VWA8: variants seen among roughly 807,000 people sequenced by gnomAD.
The protein encoded by VWA8 is von Willebrand factor A domain-containing protein 8.
VWA8 carries 221 observed loss-of-function variants against 241.5 expected under a neutral mutation model. The observed-to-expected ratio is 0.91, with a 90% CI of 0.82 to 1.02. The LOEUF (loss-of-function observed/expected upper bound fraction) is 1.02. Ranked by LOEUF, VWA8 falls within the 50% of genes least tolerant of loss-of-function variation. The probability of loss-of-function intolerance (pLI) is 0.00; values close to 1 mark genes in which losing one functional copy is unlikely to be tolerated. For synonymous variants in VWA8, 852 were observed against 827.1 expected, an observed-to-expected ratio of 1.03 and a Z score of -0.52; for missense variants, 2,322 against 2,328.7, an observed-to-expected ratio of 1.00 and a Z score of 0.06.
chr13:41,725,165 A>G (rs2045422665), intron 24 of VWA8, among the ~76,000 whole-genome samples: 1 of 151,888 alleles, frequency 6.6e-6, no homozygotes, highest in Non-Finnish European at 1.5e-5. Flanking sequence ...GGGAGTCATA[A>G]ATGTGAAAGA....
chr13:41,753,400 G>A (rs1294465047), intron 21 of VWA8, among the ~76,000 whole-genome samples: 1 of 151,990 alleles, frequency 6.6e-6, no homozygotes, highest in Non-Finnish European at 1.5e-5. Flanking sequence ...AACCAAGGAG[G>A]AAATACAGCT....
chr13:41,817,697 T>C (rs749696887), intron 15 of VWA8, among the ~76,000 whole-genome samples: 7 of 152,198 alleles, frequency 4.6e-5, no homozygotes, highest in Non-Finnish European at 8.8e-5. Context: ...TAATAAGTAG[T>C]GGATTTCACA....
At chr13:41,864,491 T>C (rs1873195584) in intron 12 of VWA8, 1 of 367,326 alleles carries the variant, frequency 2.7e-6, no homozygotes, top group Non-Finnish European at 5.3e-6. Flanking sequence ...AGAATATGAC[T>C]TTGCCCTAAA....
intron 2 of VWA8, among the ~76,000 whole-genome samples, chr13:41,922,730 A>G (rs1171096961): frequency 2.6e-5 from 4 of 152,340 alleles, no homozygotes; most frequent in Admixed American, 6.5e-5. Flanking sequence ...CAAAACCACA[A>G]TGAGATACCA....
chr13:41,580,361 A>G (rs2044374867), intron 42 of VWA8, among the ~76,000 whole-genome samples: 1 of 152,212 alleles, frequency 6.6e-6, no homozygotes, highest in Non-Finnish European at 1.5e-5. Flanking sequence ...CACAGCCTAA[A>G]CTGATAGGAT....
chr13:41,855,984 A>T (rs1179029318), intron 12 of VWA8, among the ~76,000 whole-genome samples: 3 of 152,188 alleles, frequency 2.0e-5, no homozygotes, highest in Non-Finnish European at 4.4e-5. Flanking sequence ...TTTACAGAAA[A>T]GGTTTGTCAA....
At chr13:41,960,760 C>T in intron 1 of VWA8, 93 bp downstream of exon 1, 1 of 1,411,052 alleles carries the variant, frequency 7.1e-7, no homozygotes, top group East Asian at 3.0e-5. Flanking sequence ...CTTCCAAGCG[C>T]AGCGAAGCAA....
At chr13:41,614,710 T>C (rs2044610073) in intron 38 of VWA8, among the ~76,000 whole-genome samples, 1 of 152,156 alleles carries the variant, frequency 6.6e-6, no homozygotes, top group African/African-American at 2.4e-5. Context: ...GTTCACACTA[T>C]CCCCCTTTGA....
At chr13:41,934,888 G>A (rs747582605) in intron 2 of VWA8, among the ~76,000 whole-genome samples, 1 of 151,978 alleles carries the variant, frequency 6.6e-6, no homozygotes, top group Non-Finnish European at 1.5e-5. Flanking sequence ...AATATGTGCA[G>A]TGTATTGCAT....
intron 9 of VWA8, among the ~76,000 whole-genome samples, chr13:41,872,659 GATCTAT>G (rs1873690011): frequency 6.6e-6 from 1 of 151,824 alleles, no homozygotes. Context: ...CTGTTCCATT[GATCTAT>G]ATCTCTGTTT....
intron 20 of VWA8, among the ~76,000 whole-genome samples, chr13:41,776,488 A>C (rs1234929338): frequency 6.6e-6 from 1 of 152,208 alleles, no homozygotes; most frequent in Non-Finnish European, 1.5e-5. Flanking sequence ...TCAGTGAAGA[A>C]AAATAGGTAG....
At chr13:41,621,567 T>A (rs1683815999) in intron 37 of VWA8, among the ~76,000 whole-genome samples, 1 of 152,194 alleles carries the variant, frequency 6.6e-6, no homozygotes, top group Non-Finnish European at 1.5e-5. Flanking sequence ...AAATAAATTT[T>A]AAAAAACCAG....
rs78415699 is a variant in VWA8, at chr13:41,812,199, C to T, written c.1948-859G>A. Among the ~76,000 whole-genome samples, 116 of 152,200 alleles carry T rather than the reference C, an allele frequency of 7.6e-4. No homozygotes were observed. In the East Asian group the frequency reaches 0.018, roughly 24 times the overall value. ...ATGTCACACACATATGGGTGCTCAA[C>T]GAATGGCAACAACTGTTATTTAAAA... On this transcript the variant is annotated intron_variant, in intron 16 of 44. Transcript: ENST00000379310.
chr13:41,681,640 G>A (rs1021224698), intron 35 of VWA8, among the ~76,000 whole-genome samples: 2 of 152,136 alleles, frequency 1.3e-5, no homozygotes, highest in Non-Finnish European at 2.9e-5. Flanking sequence ...CAATATGGGT[G>A]GTGGGTGCAA....
At chr13:41,622,260 A>C (rs1260918995) in intron 37 of VWA8, among the ~76,000 whole-genome samples, 1 of 152,184 alleles carries the variant, frequency 6.6e-6, no homozygotes, top group East Asian at 1.9e-4. Flanking sequence ...GACAGAAAGA[A>C]ACTGGAACAT....
intron 37 of VWA8, among the ~76,000 whole-genome samples, chr13:41,632,491 T>C (rs1026168478): frequency 2.0e-5 from 3 of 152,196 alleles, no homozygotes; most frequent in African/African-American, 4.8e-5. Flanking sequence ...TGAGGAATTC[T>C]TTTCTGAAGA....
At chr13:41,649,198 A>T (rs1316820239) in intron 37 of VWA8, among the ~76,000 whole-genome samples, 2 of 152,132 alleles carry the variant, frequency 1.3e-5, no homozygotes, top group Non-Finnish European at 2.9e-5. Context: ...CAATAACAAC[A>T]ACAAAAACAT....
chr13:41,925,811 C>A, intron 2 of VWA8: 1 of 267,572 alleles, frequency 3.7e-6, no homozygotes. Context: ...AGAGCCTGGA[C>A]CCAAATCAAC....
Position 41,605,185 on chromosome 13 carries a change from T to C in VWA8, c.4969A>G (p.Ile1657Val). ...VRRQVHSLRI[I>V]LDNLQAKGKE... is the part of the protein sequence containing the mutation. The stretch of plus-strand genomic sequence containing the variant: ...AAGATTACCTGTAAATTATCCAGGA[T>C]GATTCGGAGGGAGTGCACCTGTCGC... Residue 1657 changes from isoleucine (I) to valine (V), a missense_variant, in exon 40 of 45, where the codon ATC (isoleucine) becomes GTC (valine). Coordinates refer to ENST00000379310, the MANE Select transcript of VWA8 (RefSeq NM_015058.2). 1.2e-6 allele frequency: 2 copies of C among 1,613,154 alleles called. No homozygotes were observed. The highest frequency in any genetic ancestry group is 1.7e-6 in the Non-Finnish European group (2 of 1,179,304).
Sources: gnomAD v4.1 joint callset for allele counts (sites outside exome capture counted in the v4.1 genomes callset) on GRCh38, gnomAD v4.1.1 for gene constraint, MANE v1.5 for transcripts, NCBI Gene and HGNC (gene_info 2026-07-23, HGNC 2026-07-21) for gene names.